The following KDM5C variants were observed in gnomAD, a reference collection of about 807,000 sequenced individuals.
KDM5C encodes lysine demethylase 5C.
KDM5C carries 16 observed loss-of-function variants against 110.6 expected under a neutral mutation model. That is an observed-to-expected ratio of 0.14 (90% CI 0.10 to 0.22). The LOEUF (loss-of-function observed/expected upper bound fraction) is 0.22. Ranked by LOEUF, KDM5C falls within the 10% of genes least tolerant of loss-of-function variation. KDM5C has a pLI of 1.00. For synonymous variants in KDM5C, 511 were observed against 520.4 expected (o/e 0.98, Z 0.24); for missense variants, 681 against 1,300.9 (o/e 0.52, Z 7.33).
chrX:53,179,169 G>A lies in KDM5C; in HGVS notation c.4309-2547C>T, dbSNP rs782433877. On this transcript the variant is annotated intron_variant, in intron 25 of 25. Transcript: ENST00000685641. ...GAATCGCTTTAATCCTGGAGGCGGA[G>A]GTTGCAGTGAGCCAAGATCGTGCCA... Among the ~76,000 whole-genome samples the A allele has an allele frequency of 2.1e-3, 230 of 110,241 alleles. 4 individuals are homozygous for A. The Middle Eastern group carries it at 0.024, about 12-fold the overall frequency.
chrX:53,221,084 C>A (rs1443159411), intron 1 of KDM5C, among the ~76,000 whole-genome samples, 168 bp from the exon 2 acceptor site: 1 of 101,036 alleles, frequency 9.9e-6, no homozygotes, highest in African/African-American at 3.7e-5. Flanking sequence ...CACCTCCCCC[C>A]AGAACTCACA....
chrX:53,190,842 C>T (rs930384152), downstream of KDM5C, among the ~76,000 whole-genome samples: 6 of 111,762 alleles, frequency 5.4e-5, no homozygotes, highest in Admixed American at 4.8e-4. Context: ...AACCCATGAA[C>T]GTTCAGATGA....
At chrX:53,213,453 C>T (rs1294600333) in intron 8 of KDM5C, among the ~76,000 whole-genome samples, 1 of 112,118 alleles carries the variant, frequency 8.9e-6, no homozygotes, top group Non-Finnish European at 1.9e-5. Flanking sequence ...CTACAGAAAT[C>T]CAGAGGGAAA....
At chrX:53,184,998 G>A (rs1253720338) in intron 25 of KDM5C, among the ~76,000 whole-genome samples, 1 of 112,164 alleles carries the variant, frequency 8.9e-6, no homozygotes, top group Non-Finnish European at 1.9e-5. Context: ...GGAATCCATC[G>A]TTTAGGGCAA....
At position 53,178,114 on chromosome X, in the gene KDM5C, C is replaced by T. The variant is rs782016899; in HGVS notation, c.4309-1492G>A. 5.4e-5 allele frequency among the ~76,000 whole-genome samples: 6 copies of T among 112,121 alleles called. No homozygotes were observed. In the East Asian group the frequency reaches 1.7e-3, roughly 31 times the overall value. Reference sequence around the variant, plus strand: ...TCAAGCGATTCTCCTGCCTCAGCCTCCGAAAGTGTTGGGATTATAGGCCTA... The same window carrying T: ...TCAAGCGATTCTCCTGCCTCAGCCTTCGAAAGTGTTGGGATTATAGGCCTA... On this transcript the variant is annotated intron_variant, in intron 25 of 25. Coordinates refer to the KDM5C transcript ENST00000685641.
chrX:53,198,730 C>A (rs782759759), intron 16 of KDM5C, 34 bp downstream of exon 16: 9 of 1,210,180 alleles, frequency 7.4e-6, no homozygotes, highest in Non-Finnish European at 1.0e-5. Context: ...ATAGAACTTG[C>A]CTGTGGAGTC....
At chrX:53,220,171 T>C (rs1240891628) in intron 2 of KDM5C, among the ~76,000 whole-genome samples, 2 of 111,677 alleles carry the variant, frequency 1.8e-5, no homozygotes, top group Non-Finnish European at 3.8e-5. Flanking sequence ...AGAGCTGCCA[T>C]GGAAAACTCC....
intron 1 of KDM5C, 108 bp downstream of exon 1, chrX:53,224,632 C>A: frequency 1.0e-6 from 1 of 994,125 alleles, no homozygotes; most frequent in Non-Finnish European, 1.4e-6. Context: ...ACGGTCCCAG[C>A]CACCCCCTCT....
intron 1 of KDM5C, 120 bp downstream of exon 1, chrX:53,224,620 C>G (rs1241751887): frequency 2.2e-6 from 2 of 928,311 alleles, no homozygotes; most frequent in African/African-American, 3.9e-5. Context: ...GCCGCAACCA[C>G]AACGGTCCCA....
intron 12 of KDM5C, chrX:53,202,491 T>C (rs782097809): frequency 6.0e-4 from 75 of 124,576 alleles, no homozygotes; most frequent in Non-Finnish European, 1.1e-3. Context: ...TTTGCTCAGT[T>C]TTTTATGCAT....
intron 25 of KDM5C, among the ~76,000 whole-genome samples, chrX:53,177,170 C>T (rs782667585): frequency 2.7e-5 from 3 of 111,660 alleles, no homozygotes; most frequent in Non-Finnish European, 5.6e-5. Context: ...CTTTTCTTTC[C>T]TTTCCTTACT....
At chrX:53,184,268 C>A (rs1934155336) in intron 25 of KDM5C, among the ~76,000 whole-genome samples, 1 of 111,237 alleles carries the variant, frequency 9.0e-6, no homozygotes, top group Admixed American at 9.6e-5. Context: ...GAGATGAGGT[C>A]TCATTCTGTC....
At chrX:53,182,622 C>T (rs782438975) in intron 25 of KDM5C, among the ~76,000 whole-genome samples, 7 of 112,800 alleles carry the variant, frequency 6.2e-5, no homozygotes, top group African/African-American at 2.3e-4. Context: ...CCACCTCGGC[C>T]TCTCAGAGTG....
downstream of KDM5C, among the ~76,000 whole-genome samples, chrX:53,189,549 C>T (rs184890895): frequency 3.6e-5 from 4 of 112,490 alleles, no homozygotes; most frequent in East Asian, 1.1e-3. Context: ...TCTCCCATCA[C>T]AATTTCAGGT....
chrX:53,215,549 C>A (rs782497689), intron 7 of KDM5C, among the ~76,000 whole-genome samples: 1 of 111,740 alleles, frequency 8.9e-6, no homozygotes, highest in Non-Finnish European at 1.9e-5. Context: ...TATCCTGAAG[C>A]AATGGAGAGT....
chrX:53,179,895 T>C (rs1556825328), intron 25 of KDM5C, among the ~76,000 whole-genome samples: 1 of 111,860 alleles, frequency 8.9e-6, no homozygotes, highest in Non-Finnish European at 1.9e-5. Flanking sequence ...AAACTAAACA[T>C]ATTCTTACCT....
chrX:53,177,424 T>C (rs181368793), intron 25 of KDM5C, among the ~76,000 whole-genome samples: 54 of 112,665 alleles, frequency 4.8e-4, no homozygotes, highest in African/African-American at 1.7e-3. Context: ...CAAATATGTT[T>C]TTAGTTAAAT....
At chrX:53,184,339 A>C (rs1934156995) in intron 25 of KDM5C, among the ~76,000 whole-genome samples, 1 of 111,436 alleles carries the variant, frequency 9.0e-6, no homozygotes, top group Non-Finnish European at 1.9e-5. Context: ...TCCTGGACTC[A>C]AGGGAGCCTC....
chrX:53,211,862 G>A lies in KDM5C; in HGVS notation c.1167C>T (p.Thr389=), dbSNP rs781915003. 1 of 1,210,821 alleles carries A rather than the reference G, an allele frequency of 8.3e-7. No individual in the cohort carries two copies. The highest frequency in any genetic ancestry group is 1.8e-5 in the South Asian group (1 of 56,807). The change falls in exon 9 of 26, where the codon ACC becomes ACT. Residue 389 remains threonine, a synonymous_variant. Coordinates refer to ENST00000375401, the MANE Select transcript of KDM5C (RefSeq NM_004187.5). Reference sequence around the variant, plus strand: ...CAAAGCTCTGCAGAGTGTATTCCCGGGTAGCCTGCTCAAAGCCAAAGGCTT... The same window carrying A: ...CAAAGCTCTGCAGAGTGTATTCCCGAGTAGCCTGCTCAAAGCCAAAGGCTT... The part of the protein sequence containing the change: ...PPEAFGFEQA[T]REYTLQSFGE...
Sources: allele counts gnomAD v4.1 joint callset (sites outside exome capture counted in the v4.1 genomes callset), GRCh38; gene constraint gnomAD v4.1.1; transcripts MANE v1.5; gene names NCBI Gene and HGNC (gene_info 2026-07-23, HGNC 2026-07-21).